Variants in RD3 observed in about 807,000 individuals in gnomAD.
The protein encoded by RD3 is RD3 regulator of GUCY2D.
Under a neutral mutation model 16.9 loss-of-function variants are expected in RD3, and 11 were observed. The ratio of observed to expected loss-of-function variants is 0.65; its 90% confidence interval spans 0.41 to 1.08. The LOEUF (loss-of-function observed/expected upper bound fraction) is 1.08, where lower values mean the gene tolerates loss of function less well. Ranked by LOEUF, RD3 falls within the 50% of genes least tolerant of loss-of-function variation. The pLI, the probability that RD3 is intolerant of heterozygous loss-of-function variation, is 0.00. For synonymous variants in RD3, 116 were observed against 114.8 expected (o/e 1.01, Z -0.07); for missense variants, 274 against 267.4 (o/e 1.02, Z -0.17).
At position 211,481,342 on chromosome 1, in the gene RD3, A is replaced by T; in HGVS notation, c.74T>A (p.Val25Glu). The T allele has an allele frequency of 1.2e-6, 2 of 1,614,088 alleles. No individual in the cohort carries two copies. Among genetic ancestry groups the T allele is most frequent in the Non-Finnish European group, 1.7e-6 (2 of 1,180,036 alleles). Residue 25 changes from valine to glutamate, a missense_variant, in exon 2 of 3, where the codon GTG becomes GAG. By Grantham distance (121) the Val-to-Glu change is moderately radical (BLOSUM62 -2). Coordinates refer to ENST00000680073, the MANE Select transcript of RD3 (RefSeq NM_001164688.2). ...CAGCTCCATCATAAGCGTCTCCAGC[A>T]CCATCTCAGCAGGGCTCCTGGTGGA... ...RLSTRSPAEM[V>E]LETLMMELTG...
At chr1:211,488,935 T>C (rs1192846268) in intron 1 of RD3, among the ~76,000 whole-genome samples, 1 of 152,164 alleles carries the variant, frequency 6.6e-6, no homozygotes, top group Non-Finnish European at 1.5e-5. Flanking sequence ...ACTCCGCCTC[T>C]ACTTGATCAC....
rs564797493 is a variant in RD3, at chr1:211,482,483, A to G, written c.-11-1057T>C. Among the ~76,000 whole-genome samples the G allele has an allele frequency of 1.3e-3, 201 of 151,970 alleles. 6 individuals are homozygous for G. Among genetic ancestry groups the G allele is most frequent in the African/African-American group, 4.5e-3 (185 of 41,256 alleles). On this transcript the variant is annotated intron_variant, in intron 1 of 2. Transcript: ENST00000680073. ...GAAGGTGTGACCCTAGATGGTGAAA[A>G]GTGCCAGAGTGGGCTGAGAGGTGAG... is the stretch of plus-strand genomic sequence containing the variant.
rs530526540 is a variant in RD3 at position 211,478,637 on chromosome 1, G to C, written c.*399C>G. On this transcript the variant is annotated 3_prime_UTR_variant, in exon 3 of 3. Coordinates refer to ENST00000680073, the MANE Select transcript of RD3 (RefSeq NM_001164688.2). The stretch of plus-strand genomic sequence containing the variant: ...CCCTTCTCATTGGGGATGGGGGTAG[G>C]GGGGTGAATGGGACATCCCTGAAAT... The C allele has an allele frequency of 1.6e-4, 37 of 237,752 alleles. No individual in the cohort carries two copies. Among genetic ancestry groups the C allele is most frequent in the African/African-American group, 7.9e-4 (35 of 44,534 alleles). The allele number at this position is 237,752 out of a possible 1,614,324, so 14.7% of individuals were successfully genotyped here.
At chr1:211,480,754 G>A (rs1275193345) in intron 2 of RD3, among the ~76,000 whole-genome samples, 3 of 152,112 alleles carry the variant, frequency 2.0e-5, no homozygotes, top group Non-Finnish European at 4.4e-5. Context: ...TTGGAGAAAT[G>A]TCTGGAAAAC....
intron 2 of RD3, among the ~76,000 whole-genome samples, chr1:211,480,349 G>T (rs1445147041): frequency 2.0e-5 from 3 of 152,130 alleles, no homozygotes; most frequent in Non-Finnish European, 4.4e-5. Context: ...CAAAGAAAAA[G>T]GTGTATAATA....
At position 211,478,872 on chromosome 1, in the gene RD3, G is replaced by C. The variant is rs371009085; in HGVS notation, c.*164C>G. The C allele has an allele frequency of 1.5e-6, 1 of 652,244 alleles. No individual in the cohort carries two copies. The highest frequency in any genetic ancestry group is 2.8e-5 in the East Asian group (1 of 35,894). The allele number at this position is 652,244 out of a possible 1,614,324, so 40.4% of individuals were successfully genotyped here. A position where few individuals can be genotyped will look rare whatever the true frequency, so the allele number is the denominator to read the frequency against. On this transcript the variant is annotated 3_prime_UTR_variant, in exon 3 of 3. Coordinates refer to ENST00000680073, the MANE Select transcript of RD3 (RefSeq NM_001164688.2). ...GCTTTGTGGCCAGAGGAAGAGGATG[G>C]GGCAGGGAGTCGCTTCATTTTATAG...
intron 1 of RD3, among the ~76,000 whole-genome samples, chr1:211,488,653 C>A (rs1705425220): frequency 6.6e-6 from 1 of 152,046 alleles, no homozygotes; most frequent in Non-Finnish European, 1.5e-5. Flanking sequence ...CAGCTAGGAA[C>A]ATGGGCTGGG....
chr1:211,489,337 T>C (rs1251105933), intron 1 of RD3, among the ~76,000 whole-genome samples: 3 of 79,622 alleles, frequency 3.8e-5, no homozygotes, highest in Non-Finnish European at 9.3e-5. Flanking sequence ...GTGGTATTTC[T>C]TTAGTTATGA....
intron 1 of RD3, among the ~76,000 whole-genome samples, chr1:211,482,262 C>A (rs986274973): frequency 1.3e-5 from 2 of 151,900 alleles, no homozygotes; most frequent in South Asian, 4.2e-4. Context: ...CTGAAAAAAA[C>A]CAACTTACCC....
rs922727025 is a variant in RD3, at chr1:211,476,978, C to T, written c.*2058G>A. On this transcript the variant is annotated 3_prime_UTR_variant, in exon 3 of 3. Coordinates refer to ENST00000680073, the MANE Select transcript of RD3 (RefSeq NM_001164688.2). ...GTGGAGGCCTTTTTCTAATCCTCCCCCAACACTTTTGCCCCTACCAGCTGA... is the reference window on the plus strand; with the variant it reads ...GTGGAGGCCTTTTTCTAATCCTCCCTCAACACTTTTGCCCCTACCAGCTGA... 6.6e-6 allele frequency: 1 copy of T among 152,126 alleles called. No homozygotes were observed. The highest frequency in any genetic ancestry group is 2.4e-5 in the African/African-American group (1 of 41,418). The allele number at this position is 152,126 out of a possible 1,614,324, so 9.4% of individuals were successfully genotyped here.
intron 2 of RD3, among the ~76,000 whole-genome samples, chr1:211,480,231 G>A (rs1320032857): frequency 6.6e-6 from 1 of 152,076 alleles, no homozygotes; most frequent in Admixed American, 6.6e-5. Context: ...TTCTCCATCT[G>A]GAGGAAGAAA....
rs139419737 is a variant in RD3, at chr1:211,479,105, C to T, written c.519G>A (p.Val173=). The stretch of plus-strand genomic sequence containing the variant: ...GCAGTGGCGGCGGTGTGTCCCGCTC[C>T]ACGTCCTCGGAGATGGTCCTGATGT... The part of the protein sequence containing the change: ...ASDIRTISED[V]ERDTPPPLRS... Residue 173 remains valine, a synonymous_variant, in exon 3 of 3, where the codon GTG becomes GTA. Transcript: ENST00000680073. The T allele has an allele frequency of 4.8e-4, 778 of 1,611,772 alleles. 1 individual carries two copies. The highest frequency in any genetic ancestry group is 4.5e-3 in the East Asian group (200 of 44,846).
intron 1 of RD3, among the ~76,000 whole-genome samples, chr1:211,491,349 C>T (rs528532311): frequency 6.6e-5 from 10 of 152,356 alleles, no homozygotes; most frequent in South Asian, 2.1e-4. Context: ...AATCACAGTT[C>T]GCAAACCCAT....
intron 1 of RD3, among the ~76,000 whole-genome samples, chr1:211,485,637 G>A (rs1200122492): frequency 6.6e-6 from 1 of 152,122 alleles, no homozygotes; most frequent in East Asian, 1.9e-4. Context: ...GTGACCTTTG[G>A]TGAGTGTCTG....
chr1:211,476,685 C>G lies in RD3; in HGVS notation c.*2351G>C, dbSNP rs1396602182. ...TAGCCTGTAGTAGTCTGAGGAGTGT[C>G]TAAGGAGGGTGGTGGATTCTGTCCA... On this transcript the variant is annotated 3_prime_UTR_variant, in exon 3 of 3. Coordinates refer to ENST00000680073, the MANE Select transcript of RD3 (RefSeq NM_001164688.2). 1.3e-5 allele frequency: 2 copies of G among 152,132 alleles called. No homozygotes were observed. Among genetic ancestry groups the G allele is most frequent in the Non-Finnish European group, 2.9e-5 (2 of 68,036 alleles). 9.4% of individuals were successfully genotyped at this position (152,132 alleles called of 1,614,324 possible). A position where few individuals can be genotyped will look rare whatever the true frequency, so the allele number is the denominator to read the frequency against.
At chr1:211,490,071 C>A (rs1705455710) in intron 1 of RD3, among the ~76,000 whole-genome samples, 1 of 152,228 alleles carries the variant, frequency 6.6e-6, no homozygotes, top group African/African-American at 2.4e-5. Flanking sequence ...GGAGGCGCCA[C>A]TACCAGCTGT....
At chr1:211,481,900 TC>T (rs1255029112) in intron 1 of RD3, among the ~76,000 whole-genome samples, 2 of 152,116 alleles carry the variant, frequency 1.3e-5, no homozygotes, top group African/African-American at 2.4e-5. Flanking sequence ...TCTAAATGCC[TC>T]CAGCCTATTG....
At chr1:211,484,052 C>T (rs1342403326) in intron 1 of RD3, among the ~76,000 whole-genome samples, 1 of 152,202 alleles carries the variant, frequency 6.6e-6, no homozygotes, top group Non-Finnish European at 1.5e-5. Context: ...GGAAGCTTTT[C>T]TTGACCTTCC....
Position 211,479,268 on chromosome 1 carries a change from C to T in RD3, c.356G>A (p.Arg119His), listed in dbSNP as rs777761743. ...CTCCAGGACCTCCTGCAGCACCGAGCGGAAGAGCTGGGACACCTCCTGCAC... is the reference window on the plus strand; with the variant it reads ...CTCCAGGACCTCCTGCAGCACCGAGTGGAAGAGCTGGGACACCTCCTGCAC... The part of the protein sequence containing the change: ...PEVQEVSQLF[R>H]SVLQEVLERM... Residue 119 changes from arginine to histidine, a missense_variant, in exon 3 of 3, where the codon CGC becomes CAC. By Grantham distance (29) the Arg-to-His change is conservative. Coordinates refer to ENST00000680073, the MANE Select transcript of RD3 (RefSeq NM_001164688.2). The T allele has an allele frequency of 3.1e-6, 5 of 1,606,144 alleles. No homozygotes were observed. Among genetic ancestry groups the T allele is most frequent in the Admixed American group, 1.7e-5 (1 of 59,312 alleles).
Sources: allele counts gnomAD v4.1 joint callset (sites outside exome capture counted in the v4.1 genomes callset), GRCh38; gene constraint gnomAD v4.1.1; transcripts MANE v1.5; gene names NCBI Gene and HGNC (gene_info 2026-07-23, HGNC 2026-07-21).